GSG1L: variants seen among roughly 807,000 people sequenced by gnomAD.
The protein encoded by GSG1L is germ cell-specific gene 1-like protein.
In GSG1L, 24 loss-of-function variants were observed where a neutral mutation model predicts 42.1. The ratio of observed to expected loss-of-function variants is 0.57; its 90% CI spans 0.41 to 0.80. GSG1L has a LOEUF of 0.80. GSG1L is among the 30% of genes least tolerant of loss of function. The pLI, the probability that GSG1L is intolerant of heterozygous loss-of-function variation, is 0.00. For synonymous variants in GSG1L, 215 were observed against 203.5 expected (o/e 1.06, Z -0.48); for missense variants, 445 against 472.2 (o/e 0.94, Z 0.53).
At position 27,807,464 on chromosome 16, in the gene GSG1L, A is replaced by G. The variant is rs774935373; in HGVS notation, c.898+23T>C. ...GCAGCCCATGAATCTGTCGTAGCAGATACCCACAAACAGGCCACTTACGGG... is the reference window on the plus strand; with the variant it reads ...GCAGCCCATGAATCTGTCGTAGCAGGTACCCACAAACAGGCCACTTACGGG... On this transcript the variant is annotated intron_variant, in intron 6 of 6. Coordinates refer to ENST00000447459, the MANE Select transcript of GSG1L (RefSeq NM_001109763.2). The G allele has an allele frequency of 1.6e-5, 26 of 1,603,666 alleles. 1 individual carries two copies. The South Asian group carries it at 2.9e-4, about 18-fold the overall frequency.
chr16:27,809,581 A>G (rs906351983), intron 5 of GSG1L, among the ~76,000 whole-genome samples: 1 of 77,478 alleles, frequency 1.3e-5, no homozygotes, highest in African/African-American at 5.1e-5. Context: ...CGTCTGAGAA[A>G]AAAAAAAAAA....
chr16:28,027,086 C>G (rs1410352701), intron 1 of GSG1L, among the ~76,000 whole-genome samples: 1 of 152,186 alleles, frequency 6.6e-6, no homozygotes, highest in Non-Finnish European at 1.5e-5. Flanking sequence ...CAGGGACACA[C>G]AGCAGTGGTG....
intron 2 of GSG1L, among the ~76,000 whole-genome samples, chr16:27,931,314 G>A (rs1050051331): frequency 1.3e-5 from 2 of 152,120 alleles, no homozygotes; most frequent in African/African-American, 2.4e-5. Flanking sequence ...TGGACATCCC[G>A]CTCTGATCTC....
intron 1 of GSG1L, among the ~76,000 whole-genome samples, chr16:28,046,658 A>G (rs2086163891): frequency 6.6e-6 from 1 of 151,916 alleles, no homozygotes; most frequent in Non-Finnish European, 1.5e-5. Context: ...CCGGCCCGAA[A>G]TCCAGTCTTC....
chr16:27,960,573 G>A (rs931010551), intron 2 of GSG1L, among the ~76,000 whole-genome samples: 2 of 152,274 alleles, frequency 1.3e-5, no homozygotes, highest in African/African-American at 4.8e-5. Flanking sequence ...TTCCCAGTGC[G>A]GCTGGGAACA....
At chr16:28,055,924 G>C (rs551244959) in intron 1 of GSG1L, among the ~76,000 whole-genome samples, 3 of 58,920 alleles carry the variant, frequency 5.1e-5, no homozygotes, top group African/African-American at 1.0e-4. Context: ...TTAAACACGG[G>C]GGAGTGACGT....
intron 3 of GSG1L, among the ~76,000 whole-genome samples, chr16:27,854,213 G>A (rs918221143): frequency 6.8e-6 from 1 of 148,054 alleles, no homozygotes; most frequent in Non-Finnish European, 1.5e-5. Context: ...GAGGAAGGGG[G>A]AGGATGGGAA....
chr16:27,951,057 C>T (rs1021516680), intron 2 of GSG1L, among the ~76,000 whole-genome samples: 5 of 152,150 alleles, frequency 3.3e-5, no homozygotes, highest in Admixed American at 3.3e-4. Flanking sequence ...CTGACACACA[C>T]CCTGGCATCA....
intron 5 of GSG1L, among the ~76,000 whole-genome samples, chr16:27,823,628 C>T (rs2083173377): frequency 6.6e-6 from 1 of 152,098 alleles, no homozygotes. Flanking sequence ...CGTGAGGGAG[C>T]CCATGAGCTC....
intron 1 of GSG1L, among the ~76,000 whole-genome samples, chr16:28,018,777 G>A (rs555566879): frequency 2.0e-5 from 3 of 151,696 alleles, no homozygotes; most frequent in Admixed American, 6.6e-5. Flanking sequence ...CCTGGAAACC[G>A]GAGCCCATAA....
At chr16:28,030,683 G>A (rs1408105647) in intron 1 of GSG1L, among the ~76,000 whole-genome samples, 1 of 151,484 alleles carries the variant, frequency 6.6e-6, no homozygotes, top group Non-Finnish European at 1.5e-5. Flanking sequence ...ATTCATTTTT[G>A]AATCCCAATG....
At chr16:27,883,630 G>A (rs2083989656) in intron 3 of GSG1L, among the ~76,000 whole-genome samples, 1 of 152,142 alleles carries the variant, frequency 6.6e-6, no homozygotes, top group African/African-American at 2.4e-5. Flanking sequence ...TGAAGAATAG[G>A]ATTAAATTTA....
At chr16:28,019,935 G>T (rs1308482176) in intron 1 of GSG1L, among the ~76,000 whole-genome samples, 2 of 152,144 alleles carry the variant, frequency 1.3e-5, no homozygotes, top group Non-Finnish European at 2.9e-5. Context: ...ATGCTCACCT[G>T]GTTCTTCATA....
intron 3 of GSG1L, among the ~76,000 whole-genome samples, chr16:27,845,713 T>C (rs2083435509): frequency 6.6e-6 from 1 of 152,224 alleles, no homozygotes; most frequent in Admixed American, 6.5e-5. Flanking sequence ...TTTCTCTTAG[T>C]ACTAGTGAGC....
At chr16:28,036,382 C>A (rs1374561075) in intron 1 of GSG1L, among the ~76,000 whole-genome samples, 1 of 152,162 alleles carries the variant, frequency 6.6e-6, no homozygotes. Flanking sequence ...ATGTGCCCAC[C>A]CAGCACCAAG....
intron 2 of GSG1L, among the ~76,000 whole-genome samples, chr16:27,950,298 G>C (rs571408151): frequency 2.6e-5 from 4 of 152,302 alleles, no homozygotes; most frequent in African/African-American, 9.6e-5. Flanking sequence ...ACCGTTTGGG[G>C]TTAATATGAT....
intron 1 of GSG1L, among the ~76,000 whole-genome samples, chr16:27,990,805 T>C (rs1321009719): frequency 6.6e-6 from 1 of 152,258 alleles, no homozygotes; most frequent in Non-Finnish European, 1.5e-5. Flanking sequence ...TGTGTCTTTA[T>C]AGCAGCATGT....
intron 1 of GSG1L, among the ~76,000 whole-genome samples, chr16:28,048,848 TAAAG>T (rs2086192928): frequency 1.3e-5 from 2 of 151,908 alleles, no homozygotes; most frequent in African/African-American, 2.4e-5. Context: ...AAAGTCAGAC[TAAAG>T]AAAACTAGGA....
At chr16:27,890,699 T>G (rs959345467) in intron 2 of GSG1L, among the ~76,000 whole-genome samples, 1 of 152,080 alleles carries the variant, frequency 6.6e-6, no homozygotes, top group Admixed American at 6.5e-5. Context: ...AGGAGGACAA[T>G]GACATGCAGA....
Sources: gnomAD v4.1 joint callset for allele counts (sites outside exome capture counted in the v4.1 genomes callset) on GRCh38, gnomAD v4.1.1 for gene constraint, MANE v1.5 for transcripts, NCBI Gene and HGNC (gene_info 2026-07-23, HGNC 2026-07-21) for gene names.